MOBP: variants seen among roughly 807,000 people sequenced by gnomAD.
MOBP encodes myelin-associated oligodendrocyte basic protein.
Under a neutral mutation model 15.0 loss-of-function variants are expected in MOBP, and 5 were observed. That is an observed-to-expected ratio of 0.33 (90% CI 0.17 to 0.70). The LOEUF is 0.70. MOBP is among the 30% of genes least tolerant of loss of function. MOBP has a pLI of 0.67. For missense variants in MOBP, 188 were observed against 257.8 expected, an observed-to-expected ratio of 0.73 and a Z score of 1.85; for synonymous variants, 88 against 99.0, an observed-to-expected ratio of 0.89 and a Z score of 0.66.
At chr3:39,481,906 G>C (rs2042633650) in intron 2 of MOBP, among the ~76,000 whole-genome samples, 1 of 152,108 alleles carries the variant, frequency 6.6e-6, no homozygotes, top group African/African-American at 2.4e-5. Flanking sequence ...GATGTCACAT[G>C]CTCCTAGTTT....
chr3:39,486,458 A>G (rs947720314), intron 2 of MOBP, among the ~76,000 whole-genome samples: 1 of 152,110 alleles, frequency 6.6e-6, no homozygotes, highest in Non-Finnish European at 1.5e-5. Flanking sequence ...ATAAATAAAA[A>G]TGCTCCCTGT....
downstream of MOBP, among the ~76,000 whole-genome samples, chr3:39,507,150 A>G (rs1387828022): frequency 1.3e-5 from 2 of 152,148 alleles, no homozygotes; most frequent in Non-Finnish European, 1.5e-5. Flanking sequence ...ACCTTAATTC[A>G]TCATTGACAT....
intron 3 of MOBP, among the ~76,000 whole-genome samples, chr3:39,523,195 T>G (rs998056787): frequency 6.6e-6 from 1 of 152,250 alleles, no homozygotes; most frequent in African/African-American, 2.4e-5. Context: ...CAAAAATCCT[T>G]GGATGTTACA....
intron 2 of MOBP, among the ~76,000 whole-genome samples, chr3:39,492,191 C>T (rs1241523561): frequency 6.6e-6 from 1 of 152,186 alleles, no homozygotes; most frequent in African/African-American, 2.4e-5. Context: ...GCCTGATGAC[C>T]AGTGGCTTTG....
chr3:39,527,783 C>G (rs1056527019), downstream of MOBP: 1 of 152,232 alleles, frequency 6.6e-6, no homozygotes, highest in African/African-American at 2.4e-5. Flanking sequence ...ATTAAGCAAA[C>G]AGCGTATCTA....
chr3:39,503,664 T>TA (rs2043010494), downstream of MOBP, among the ~76,000 whole-genome samples: 2 of 17,238 alleles, frequency 1.2e-4, no homozygotes, highest in Admixed American at 1.5e-3. Context: ...AATTTTTTAT[T>TA]TATTTATTTA....
chr3:39,518,997 A>G (rs1019657593), downstream of MOBP, among the ~76,000 whole-genome samples: 1 of 152,094 alleles, frequency 6.6e-6, no homozygotes, highest in South Asian at 2.1e-4. Flanking sequence ...TATTTAGTGG[A>G]TCTTCCTGGA....
rs773039547 is a variant in MOBP, at chr3:39,469,024, GTATA to G, written c.-89+1291_-89+1294del. Among the ~76,000 whole-genome samples, 502 of 51,988 alleles carry G rather than the reference GTATA, an allele frequency of 9.7e-3. 3 individuals are homozygous for G. Among genetic ancestry groups the G allele is most frequent in the Non-Finnish European group, 0.013 (378 of 29,476 alleles). The allele number at this position is 51,988 out of a possible 152,430, so 34.1% of individuals were successfully genotyped here. ...TATATATACATATATACATATGTGT[GTATA>G]TATATACATATATACATATGTGTGT... On this transcript the variant is annotated intron_variant, in intron 1 of 3. Coordinates refer to ENST00000684792, the MANE Select transcript of MOBP (RefSeq NM_001393704.1).
chr3:39,522,230 A>G (rs2043277835), intron 3 of MOBP, among the ~76,000 whole-genome samples: 2 of 152,242 alleles, frequency 1.3e-5, no homozygotes, highest in Admixed American at 1.3e-4. Context: ...TTAAAAACAA[A>G]CACATTAAGC....
At chr3:39,496,511 T>G (rs1252844337) in intron 2 of MOBP, among the ~76,000 whole-genome samples, 1 of 147,946 alleles carries the variant, frequency 6.8e-6, no homozygotes, top group Non-Finnish European at 1.5e-5. Flanking sequence ...CTTTTCTTTT[T>G]TTTTTGAGAC....
chr3:39,505,930 C>T (rs573086969), downstream of MOBP, among the ~76,000 whole-genome samples: 29 of 152,260 alleles, frequency 1.9e-4, no homozygotes, highest in South Asian at 3.7e-3. Flanking sequence ...TGGATGAACC[C>T]CAGCCACTCC....
chr3:39,500,682 T>C (rs980461127), intron 2 of MOBP, among the ~76,000 whole-genome samples: 2 of 152,060 alleles, frequency 1.3e-5, no homozygotes, highest in African/African-American at 4.8e-5. Flanking sequence ...GGAAAAAATA[T>C]TAATACCTTT....
Position 39,469,045 on chromosome 3 carries a change from T to A in MOBP, c.-89+1305T>A, listed in dbSNP as rs938621833. Among the ~76,000 whole-genome samples, 3 of 83,862 alleles carry A rather than the reference T, an allele frequency of 3.6e-5. 1 individual carries two copies. The South Asian group carries it at 1.1e-3, about 31-fold the overall frequency. The allele number at this position is 83,862 out of a possible 152,430, so 55.0% of individuals were successfully genotyped here. ...GTGTGTATATATATACATATATACA[T>A]ATGTGTGTGTATATACATATATACA... On this transcript the variant is annotated intron_variant, in intron 1 of 3. Coordinates refer to ENST00000684792, the MANE Select transcript of MOBP (RefSeq NM_001393704.1).
chr3:39,472,377 G>T (rs1207136529), intron 1 of MOBP, among the ~76,000 whole-genome samples: 1 of 152,118 alleles, frequency 6.6e-6, no homozygotes, highest in Non-Finnish European at 1.5e-5. Context: ...GGATGACATA[G>T]ATTAACTTTT....
At chr3:39,492,781 G>A (rs617068) in intron 2 of MOBP, among the ~76,000 whole-genome samples, 45,319 of 152,018 alleles carry the variant, frequency 0.3, 9,138 homozygotes, top group African/African-American at 0.57. Flanking sequence ...ATAGGGTTCA[G>A]GTCCTGGGTG....
intron 2 of MOBP, among the ~76,000 whole-genome samples, chr3:39,480,530 C>T: frequency 6.6e-6 from 1 of 152,174 alleles, no homozygotes; most frequent in South Asian, 2.1e-4. Context: ...TATCTGTTAG[C>T]CTCTCAAATG....
At chr3:39,511,719 G>A (rs2043121868) in intron 4 of MOBP, among the ~76,000 whole-genome samples, 1 of 152,112 alleles carries the variant, frequency 6.6e-6, no homozygotes, top group Non-Finnish European at 1.5e-5. Context: ...CATAAGTCAG[G>A]GTCAGAGAAT....
intron 3 of MOBP, among the ~76,000 whole-genome samples, chr3:39,522,009 G>T (rs1213521595): frequency 1.3e-5 from 2 of 152,186 alleles, no homozygotes; most frequent in Admixed American, 6.5e-5. Flanking sequence ...ATGGAATCAG[G>T]CTAGCTCTCA....
At chr3:39,517,202 GA>G (rs1271576418), downstream of MOBP, among the ~76,000 whole-genome samples, 2 of 152,180 alleles carry the variant, frequency 1.3e-5, no homozygotes, top group African/African-American at 4.8e-5. Flanking sequence ...CACTTGCAGG[GA>G]TGGTTGGGTA....
Sources: gnomAD v4.1 joint callset for allele counts (sites outside exome capture counted in the v4.1 genomes callset) on GRCh38, gnomAD v4.1.1 for gene constraint, MANE v1.5 for transcripts, NCBI Gene and HGNC (gene_info 2026-07-23, HGNC 2026-07-21) for gene names.